Variants in SLC4A10 observed in about 807,000 individuals in gnomAD.
The protein encoded by SLC4A10 is sodium-driven chloride bicarbonate exchanger.
SLC4A10 carries 42 observed loss-of-function variants against 137.7 expected under a neutral mutation model. The observed-to-expected ratio is 0.30, with a 90% CI of 0.24 to 0.39. The LOEUF is 0.39. Among genes scored for constraint, SLC4A10 ranks in the 10% least tolerant of loss-of-function variants. SLC4A10 has a pLI of 1.00. For synonymous variants in SLC4A10, 474 were observed against 464.1 expected, an observed-to-expected ratio of 1.02 and a Z score of -0.27; for missense variants, 925 against 1,355.0, an observed-to-expected ratio of 0.68 and a Z score of 4.98.
chr2:161,820,728 C>T (rs2057542715), intron 3 of SLC4A10, among the ~76,000 whole-genome samples: 1 of 152,132 alleles, frequency 6.6e-6, no homozygotes, highest in African/African-American at 2.4e-5. Flanking sequence ...TTAGAAGCTA[C>T]TACAAGTAAT....
chr2:161,881,870 A>G (rs1215754488), intron 9 of SLC4A10, among the ~76,000 whole-genome samples: 4 of 151,940 alleles, frequency 2.6e-5, no homozygotes, highest in Non-Finnish European at 5.9e-5. Flanking sequence ...TCCTGACAAT[A>G]ATTTTTTATA....
chr2:161,634,684 C>A (rs575908318), intron 1 of SLC4A10, among the ~76,000 whole-genome samples: 34 of 152,058 alleles, frequency 2.2e-4, no homozygotes, highest in African/African-American at 8.2e-4. Flanking sequence ...TATCCATCAC[C>A]TCAAACACTT....
intron 5 of SLC4A10, 72 bp downstream of exon 5, chr2:161,855,202 C>A: frequency 1.4e-6 from 2 of 1,414,620 alleles, no homozygotes; most frequent in South Asian, 1.5e-5. Context: ...CCTTATAATT[C>A]AATATACGTA....
chr2:161,909,348 C>G (rs2105381682), intron 15 of SLC4A10, among the ~76,000 whole-genome samples: 1 of 152,232 alleles, frequency 6.6e-6, no homozygotes, highest in South Asian at 2.1e-4. Flanking sequence ...TTCCTTGGAT[C>G]AATGTGAGCA....
At chr2:161,838,988 G>A (rs2058998057) in intron 3 of SLC4A10, among the ~76,000 whole-genome samples, 1 of 152,164 alleles carries the variant, frequency 6.6e-6, no homozygotes, top group Admixed American at 6.5e-5. Context: ...TAAAATTTAT[G>A]TTTACACCAA....
intron 15 of SLC4A10, among the ~76,000 whole-genome samples, chr2:161,942,023 G>C (rs76306881): frequency 6.6e-6 from 1 of 152,148 alleles, no homozygotes; most frequent in African/African-American, 2.4e-5. Flanking sequence ...GTAAGTTCCT[G>C]ATGTAGAAGG....
At chr2:161,689,414 C>A (rs980914936) in intron 1 of SLC4A10, among the ~76,000 whole-genome samples, 2 of 152,126 alleles carry the variant, frequency 1.3e-5, no homozygotes, top group Non-Finnish European at 2.9e-5. Context: ...TTTGGATTCA[C>A]AAATACTTAC....
At chr2:161,874,879 T>C (rs1028841971) in intron 8 of SLC4A10, among the ~76,000 whole-genome samples, 2 of 152,178 alleles carry the variant, frequency 1.3e-5, no homozygotes, top group Non-Finnish European at 2.9e-5. Context: ...TGAGCTAATA[T>C]AGAGGGAGGT....
chr2:161,938,854 A>G (rs1004981256), intron 15 of SLC4A10, among the ~76,000 whole-genome samples: 2 of 152,092 alleles, frequency 1.3e-5, no homozygotes, highest in African/African-American at 2.4e-5. Context: ...AAAATAGTCC[A>G]TACATATCCT....
At chr2:161,697,617 G>C (rs896258506) in intron 1 of SLC4A10, among the ~76,000 whole-genome samples, 11 of 152,188 alleles carry the variant, frequency 7.2e-5, no homozygotes, top group Non-Finnish European at 1.3e-4. Context: ...GATGGCTGTA[G>C]ATGTGTGGTA....
chr2:161,806,108 G>A (rs2055920470), intron 3 of SLC4A10, among the ~76,000 whole-genome samples: 1 of 152,160 alleles, frequency 6.6e-6, no homozygotes, highest in Admixed American at 6.5e-5. Context: ...CTTGAGGCTT[G>A]CACCCTCTGA....
intron 1 of SLC4A10, among the ~76,000 whole-genome samples, chr2:161,710,178 G>T (rs922007356): frequency 2.1e-4 from 32 of 151,676 alleles, no homozygotes; most frequent in Non-Finnish European, 3.8e-4. Flanking sequence ...TAGTAGGGAA[G>T]ATTGGCATAT....
intron 1 of SLC4A10, among the ~76,000 whole-genome samples, chr2:161,720,210 T>C (rs886979746): frequency 1.7e-4 from 26 of 152,198 alleles, no homozygotes; most frequent in Admixed American, 1.5e-3. Flanking sequence ...GTTGTAGATA[T>C]GCAGTGTTAT....
At chr2:161,870,845 A>G (rs1211612270) in intron 6 of SLC4A10, among the ~76,000 whole-genome samples, 1 of 151,846 alleles carries the variant, frequency 6.6e-6, no homozygotes, top group Non-Finnish European at 1.5e-5. Flanking sequence ...AGGTGAACTT[A>G]TTTTAAAAAG....
intron 1 of SLC4A10, among the ~76,000 whole-genome samples, chr2:161,753,863 T>G (rs927761447): frequency 1.4e-5 from 2 of 142,546 alleles, no homozygotes; most frequent in African/African-American, 5.3e-5. Flanking sequence ...GAGTTATTTA[T>G]TTATTTATTT....
chr2:161,961,810 A>G (rs892575978), intron 21 of SLC4A10, among the ~76,000 whole-genome samples: 3 of 152,218 alleles, frequency 2.0e-5, no homozygotes, highest in Non-Finnish European at 4.4e-5. Context: ...AAAATTGAAG[A>G]AAACGTTATC....
chr2:161,690,811 C>T (rs1283059513), intron 1 of SLC4A10, among the ~76,000 whole-genome samples: 1 of 151,898 alleles, frequency 6.6e-6, no homozygotes, highest in Non-Finnish European at 1.5e-5. Flanking sequence ...GGAGGGACAG[C>T]ATCAGGAAAA....
intron 1 of SLC4A10, among the ~76,000 whole-genome samples, chr2:161,700,431 G>T (rs1032356137): frequency 6.6e-6 from 1 of 152,078 alleles, no homozygotes; most frequent in Non-Finnish European, 1.5e-5. Flanking sequence ...GCCATTGGAT[G>T]TGGAAAGAAG....
chr2:161,721,205 T>G (rs1198744182), intron 1 of SLC4A10, among the ~76,000 whole-genome samples: 1 of 152,258 alleles, frequency 6.6e-6, no homozygotes, highest in African/African-American at 2.4e-5. Context: ...TCTTTATGTG[T>G]GAATTTGATC....
Sources: allele counts gnomAD v4.1 joint callset (sites outside exome capture counted in the v4.1 genomes callset), GRCh38; gene constraint gnomAD v4.1.1; transcripts MANE v1.5; gene names NCBI Gene and HGNC (gene_info 2026-07-23, HGNC 2026-07-21).